Variants in DIP2C observed in about 807,000 individuals in gnomAD.
The protein encoded by DIP2C is DIP2 acetate--CoA ligase C (putative).
A neutral mutation model predicts 192.4 loss-of-function variants in DIP2C; 33 were observed. The observed-to-expected ratio is 0.17, with a 90% CI of 0.13 to 0.23. The LOEUF is 0.23. DIP2C is among the 10% of genes least tolerant of loss of function. The probability of loss-of-function intolerance (pLI) is 1.00; values close to 1 mark genes in which losing one functional copy is unlikely to be tolerated. For synonymous variants in DIP2C, 979 were observed against 864.1 expected (o/e 1.13, Z -2.33); for missense variants, 1,537 against 2,110.1 (o/e 0.73, Z 5.32).
In DIP2C at chr10:571,772, A is replaced by C. The variant is rs1264754814; in HGVS notation, c.86-85242T>G. 2.0e-5 allele frequency among the ~76,000 whole-genome samples: 3 copies of C among 152,146 alleles called. No homozygotes were observed. The East Asian group carries it at 5.8e-4, about 29-fold the overall frequency. On this transcript the variant is annotated intron_variant, in intron 1 of 36. Transcript: ENST00000280886. ...GCTGGTGCCCAGCAGTATGGCTGTG[A>C]CCAGGGGTAGCAACATGGGACATGG... is the stretch of plus-strand genomic sequence containing the variant.
At chr10:581,623 CTG>C (rs1195796707) in intron 1 of DIP2C, among the ~76,000 whole-genome samples, 4 of 152,180 alleles carry the variant, frequency 2.6e-5, no homozygotes, top group Non-Finnish European at 5.9e-5. Context: ...CCATTACCCT[CTG>C]AGGCCATGGA....
intron 5 of DIP2C, among the ~76,000 whole-genome samples, chr10:421,051 A>G (rs1966149864): frequency 6.6e-6 from 1 of 151,978 alleles, no homozygotes. Flanking sequence ...CACAGAAAAT[A>G]TTTTTCCTTT....
chr10:508,128 G>A (rs1327627212), intron 1 of DIP2C, among the ~76,000 whole-genome samples: 4 of 135,108 alleles, frequency 3.0e-5, no homozygotes, highest in Admixed American at 2.2e-4. Context: ...CCTCCCTCAC[G>A]CCACAGAGGA....
chr10:442,033 T>C (rs4881313), intron 3 of DIP2C, among the ~76,000 whole-genome samples: 66,132 of 150,658 alleles, frequency 0.44, 16,162 homozygotes, highest in East Asian at 0.66. Flanking sequence ...AAAATCAGAA[T>C]AACAGGCTTC....
chr10:420,635 A>C (rs1411002978), intron 5 of DIP2C, among the ~76,000 whole-genome samples: 1 of 152,204 alleles, frequency 6.6e-6, no homozygotes, highest in Non-Finnish European at 1.5e-5. Flanking sequence ...AGAAAACTAG[A>C]ATGGGATTTC....
chr10:684,031 A>G lies in DIP2C; in HGVS notation c.85+5463T>C, dbSNP rs540924933. On this transcript the variant is annotated intron_variant, in intron 1 of 36. Coordinates refer to ENST00000280886, the MANE Select transcript of DIP2C (RefSeq NM_014974.3). ...GCGCGTGGCTCGGGCCCCTAACGGC[A>G]CCTGGAGCAGCCTATGGGCCTGTGC... 2.1e-3 allele frequency among the ~76,000 whole-genome samples: 325 copies of G among 152,388 alleles called. 1 individual carries two copies. The highest frequency in any genetic ancestry group is 6.8e-3 in the Middle Eastern group (2 of 294).
intron 1 of DIP2C, among the ~76,000 whole-genome samples, chr10:683,807 C>A (rs1831217651): frequency 6.6e-6 from 1 of 152,154 alleles, no homozygotes; most frequent in Non-Finnish European, 1.5e-5. Context: ...CTACAACTCA[C>A]CCCATAAATC....
chr10:408,689 C>T (rs1268116226), intron 9 of DIP2C, among the ~76,000 whole-genome samples: 7 of 152,208 alleles, frequency 4.6e-5, no homozygotes, highest in African/African-American at 1.7e-4. Flanking sequence ...AGCTCCACAT[C>T]TAAACTGGGG....
chr10:633,551 C>G (rs574245395), intron 1 of DIP2C, among the ~76,000 whole-genome samples: 265 of 152,370 alleles, frequency 1.7e-3, no homozygotes, highest in African/African-American at 6.2e-3. Context: ...TCTCTCGGCC[C>G]ATCCTGAGCC....
chr10:539,344 CTT>C (rs1257885238), intron 1 of DIP2C, among the ~76,000 whole-genome samples: 2 of 152,138 alleles, frequency 1.3e-5, no homozygotes, highest in East Asian at 1.9e-4. Flanking sequence ...AGCATTCAGA[CTT>C]TATTATTCAT....
intron 24 of DIP2C, among the ~76,000 whole-genome samples, chr10:349,814 G>C (rs1958703304): frequency 6.6e-6 from 1 of 152,210 alleles, no homozygotes; most frequent in Non-Finnish European, 1.5e-5. Flanking sequence ...GTCGTGGGCA[G>C]TGGGAATTCC....
chr10:540,267 G>A (rs1847906114), intron 1 of DIP2C, among the ~76,000 whole-genome samples: 2 of 152,236 alleles, frequency 1.3e-5, no homozygotes, highest in African/African-American at 2.4e-5. Context: ...AAACTTTCAA[G>A]GAGACCAAGT....
rs373506901 is a variant in DIP2C, at chr10:389,293, A to G, written c.1597+698T>C. Reference sequence around the variant, plus strand: ...GTTTCAGGGGATATCAGCAGGACTCAGGCCACCAATGGGGGGAGTCTCTGG... The same window carrying G: ...GTTTCAGGGGATATCAGCAGGACTCGGGCCACCAATGGGGGGAGTCTCTGG... On this transcript the variant is annotated intron_variant, in intron 13 of 36. Coordinates refer to ENST00000280886, the MANE Select transcript of DIP2C (RefSeq NM_014974.3). Among the ~76,000 whole-genome samples the G allele has an allele frequency of 5.3e-5, 8 of 152,092 alleles. No homozygotes were observed. The East Asian group carries it at 1.4e-3, about 26-fold the overall frequency.
At chr10:576,280 G>A (rs1054291796) in intron 1 of DIP2C, among the ~76,000 whole-genome samples, 4 of 152,184 alleles carry the variant, frequency 2.6e-5, no homozygotes, top group Non-Finnish European at 5.9e-5. Context: ...GCAACACTGC[G>A]AGGCAAACGC....
At chr10:528,095 T>C (rs369922880) in intron 1 of DIP2C, among the ~76,000 whole-genome samples, 1 of 152,108 alleles carries the variant, frequency 6.6e-6, no homozygotes, top group African/African-American at 2.4e-5. Flanking sequence ...GAATACCTCA[T>C]GGAGCAGTCA....
intron 32 of DIP2C, among the ~76,000 whole-genome samples, chr10:289,606 G>A (rs934097285): frequency 2.0e-5 from 3 of 152,152 alleles, no homozygotes; most frequent in Admixed American, 1.3e-4. Flanking sequence ...CCACTCTTAT[G>A]CACTCGACAC....
chr10:416,350 G>A (rs1325051191), intron 6 of DIP2C, among the ~76,000 whole-genome samples: 2 of 152,070 alleles, frequency 1.3e-5, no homozygotes, highest in Non-Finnish European at 2.9e-5. Context: ...CCTCATGGAG[G>A]CACGAGAACA....
intron 1 of DIP2C, chr10:669,503 G>A (rs112315936): frequency 3.1e-4 from 47 of 152,292 alleles, no homozygotes; most frequent in African/African-American, 1.1e-3. Context: ...TTATGAAGAT[G>A]AGCCGAAAAA....
At chr10:572,404 C>T (rs1317336726) in intron 1 of DIP2C, among the ~76,000 whole-genome samples, 1 of 152,200 alleles carries the variant, frequency 6.6e-6, no homozygotes, top group African/African-American at 2.4e-5. Context: ...ATCTTTCCAT[C>T]ACGGGGTCCC....
Sources: gnomAD v4.1 joint callset for allele counts (sites outside exome capture counted in the v4.1 genomes callset) on GRCh38, gnomAD v4.1.1 for gene constraint, MANE v1.5 for transcripts, NCBI Gene and HGNC (gene_info 2026-07-23, HGNC 2026-07-21) for gene names.